Variants in FAM3B observed in about 807,000 individuals in gnomAD.
The protein encoded by FAM3B is FAM3 metabolism regulating signaling molecule B.
FAM3B carries 29 observed loss-of-function variants against 28.4 expected under a neutral mutation model. The observed-to-expected ratio is 1.02, with a 90% CI of 0.76 to 1.39. The LOEUF (loss-of-function observed/expected upper bound fraction) is 1.39, where lower values mean the gene tolerates loss of function less well. Among genes scored for constraint, FAM3B ranks in the 40% most tolerant of loss-of-function variants. The pLI is 0.00. For missense variants in FAM3B, 266 were observed against 293.9 expected (o/e 0.91, Z 0.69); for synonymous variants, 91 against 103.0 (o/e 0.88, Z 0.71).
upstream of FAM3B, among the ~76,000 whole-genome samples, chr21:41,314,461 G>A (rs1249662898): frequency 6.6e-5 from 10 of 152,146 alleles, no homozygotes; most frequent in Admixed American, 1.3e-4. Context: ...TATTTCAAAG[G>A]TAATGTCAAC....
intron 5 of FAM3B, 121 bp downstream of exon 5, chr21:41,345,857 C>T: frequency 1.5e-6 from 1 of 686,372 alleles, no homozygotes; most frequent in Middle Eastern, 3.2e-4. Context: ...CAGCAGCTCT[C>T]CTGAGTAATC....
At chr21:41,325,052 A>G (rs939174157) in intron 2 of FAM3B, among the ~76,000 whole-genome samples, 10 of 152,368 alleles carry the variant, frequency 6.6e-5, no homozygotes, top group African/African-American at 2.4e-4. Context: ...CAGTCAGCCA[A>G]GATTGTGCCA....
chr21:41,333,599 C>T (rs960724443), intron 2 of FAM3B, among the ~76,000 whole-genome samples: 4 of 152,200 alleles, frequency 2.6e-5, no homozygotes, highest in Admixed American at 6.5e-5. Flanking sequence ...CCTGTGGAAT[C>T]GTGAGACAAT....
intron 4 of FAM3B, among the ~76,000 whole-genome samples, chr21:41,345,040 G>A (rs60265870): frequency 0.15 from 22,108 of 152,262 alleles, 3,265 homozygotes; most frequent in African/African-American, 0.38. Flanking sequence ...TTCCCACAAC[G>A]TCCCTGTGAG....
intron 7 of FAM3B, among the ~76,000 whole-genome samples, chr21:41,349,719 C>G (rs1232146379): frequency 6.6e-6 from 1 of 152,172 alleles, no homozygotes; most frequent in African/African-American, 2.4e-5. Context: ...TCAGCGCAGG[C>G]CACACAACCA....
intron 2 of FAM3B, among the ~76,000 whole-genome samples, chr21:41,335,046 A>AT (rs1446643760): frequency 6.6e-6 from 1 of 151,968 alleles, no homozygotes; most frequent in African/African-American, 2.4e-5. Flanking sequence ...CTTTTGGCTG[A>AT]TTTTTTGCCT....
intron 3 of FAM3B, among the ~76,000 whole-genome samples, chr21:41,343,491 G>C (rs1454549912): frequency 6.6e-6 from 1 of 152,066 alleles, no homozygotes; most frequent in Non-Finnish European, 1.5e-5. Flanking sequence ...AGTTATTATG[G>C]AATAGTCTCT....
At chr21:41,328,267 A>C (rs1343716132) in intron 2 of FAM3B, among the ~76,000 whole-genome samples, 1 of 152,184 alleles carries the variant, frequency 6.6e-6, no homozygotes, top group African/African-American at 2.4e-5. Flanking sequence ...GTGTCTGCAA[A>C]GTTGGAAACC....
chr21:41,312,100 CAT>C (rs1179096443), upstream of FAM3B, among the ~76,000 whole-genome samples: 2 of 152,324 alleles, frequency 1.3e-5, no homozygotes, highest in African/African-American at 2.4e-5. Context: ...CCTCCCACAA[CAT>C]GTGGGAATTA....
chr21:41,352,308 C>G (rs746422036), intron 7 of FAM3B, among the ~76,000 whole-genome samples: 6 of 152,254 alleles, frequency 3.9e-5, no homozygotes, highest in Non-Finnish European at 7.3e-5. Flanking sequence ...GCAGGGGGTG[C>G]CTTCACAAAG....
At chr21:41,316,789 C>A, upstream of FAM3B, 2 of 1,302,890 alleles carry the variant, frequency 1.5e-6, no homozygotes, top group Non-Finnish European at 2.0e-6. Flanking sequence ...ACGACCGCTG[C>A]CCGCCCCTTG....
rs1289597446 is a variant in FAM3B, at chr21:41,304,355, G to A, written n.99+45G>A. The A allele has an allele frequency of 1.8e-5, 8 of 454,680 alleles. No homozygotes were observed. In the East Asian group the frequency reaches 3.5e-4, roughly 20 times the overall value. 28.2% of individuals were successfully genotyped at this position (454,680 alleles called of 1,614,324 possible). ...GCGTGGGGAGGGGAAGGATGGACGGGGCAGGACGCTGCCGCCTGCATCTGG... is the reference window on the plus strand; with the variant it reads ...GCGTGGGGAGGGGAAGGATGGACGGAGCAGGACGCTGCCGCCTGCATCTGG... On this transcript the variant is annotated intron_variant and non_coding_transcript_variant, in intron 1 of 9. Transcript: ENST00000479810.
intron 7 of FAM3B, among the ~76,000 whole-genome samples, chr21:41,350,141 C>T (rs2838021): frequency 0.1 from 15,578 of 152,242 alleles, 880 homozygotes; most frequent in Middle Eastern, 0.13. Flanking sequence ...GAGGGGACGT[C>T]GTGTGATCTT....
At chr21:41,318,507 C>T (rs960029868) in intron 1 of FAM3B, among the ~76,000 whole-genome samples, 2 of 152,150 alleles carry the variant, frequency 1.3e-5, no homozygotes, top group Non-Finnish European at 2.9e-5. Context: ...CCCTTCCTAG[C>T]CCTTCTGCCA....
At chr21:41,312,770 C>T (rs77078229), upstream of FAM3B, among the ~76,000 whole-genome samples, 4,281 of 139,188 alleles carry the variant, frequency 0.031, 73 homozygotes, top group Middle Eastern at 0.12. Context: ...CTGCATCTAA[C>T]TGTGCTACAT....
At chr21:41,327,081 A>T (rs1464484342) in intron 2 of FAM3B, among the ~76,000 whole-genome samples, 1 of 152,244 alleles carries the variant, frequency 6.6e-6, no homozygotes, top group Non-Finnish European at 1.5e-5. Context: ...GTGGCCCTTC[A>T]GCCTCCCAGG....
chr21:41,341,977 T>A (rs2089010764), intron 3 of FAM3B, among the ~76,000 whole-genome samples: 1 of 152,252 alleles, frequency 6.6e-6, no homozygotes, highest in Non-Finnish European at 1.5e-5. Flanking sequence ...TGATGGTGAA[T>A]TCTTCCAGTT....
chr21:41,345,470 A>G lies in FAM3B; in HGVS notation c.347-216A>G, dbSNP rs1601369995. On this transcript the variant is annotated intron_variant, in intron 4 of 7. Coordinates refer to ENST00000357985, the MANE Select transcript of FAM3B (RefSeq NM_058186.4). Reference sequence around the variant, plus strand: ...CAGGTGTAACCCAAAGCAAACTGGAAGAAAGTTCTAGCACAGCTTCCAGCA... The same window carrying G: ...CAGGTGTAACCCAAAGCAAACTGGAGGAAAGTTCTAGCACAGCTTCCAGCA... 2.0e-5 allele frequency among the ~76,000 whole-genome samples: 3 copies of G among 152,290 alleles called. 1 individual carries two copies. In the South Asian group the frequency reaches 6.2e-4, roughly 32 times the overall value.
At chr21:41,322,861 G>A (rs1385973259) in intron 1 of FAM3B, 62 bp from the exon 2 acceptor site, 2 of 1,613,688 alleles carry the variant, frequency 1.2e-6, no homozygotes, top group East Asian at 2.2e-5. Context: ...GGGATGGGGA[G>A]GGCCAAGGGC....
Sources: allele counts gnomAD v4.1 joint callset (sites outside exome capture counted in the v4.1 genomes callset), GRCh38; gene constraint gnomAD v4.1.1; transcripts MANE v1.5; gene names NCBI Gene and HGNC (gene_info 2026-07-23, HGNC 2026-07-21).